NFIB: variants seen among roughly 807,000 people sequenced by gnomAD.
NFIB encodes nuclear factor I B.
NFIB carries 11 observed loss-of-function variants against 61.5 expected under a neutral mutation model. The ratio of observed to expected loss-of-function variants is 0.18; its 90% confidence interval spans 0.11 to 0.30. The LOEUF is 0.30. Ranked by LOEUF, NFIB falls within the 10% of genes least tolerant of loss-of-function variation. The pLI, the probability that NFIB is intolerant of heterozygous loss-of-function variation, is 1.00. For missense variants in NFIB, 471 were observed against 608.9 expected (o/e 0.77, Z 2.38); for synonymous variants, 260 against 216.5 (o/e 1.20, Z -1.76).
At chr9:14,448,656 A>G in the NFIB span, among the ~76,000 whole-genome samples, 4 of 152,226 alleles carry the variant, frequency 2.6e-5, no homozygotes. Flanking sequence ...TGTACTGAAT[A>G]AGACAAGGGT....
chr9:14,480,966 C>G, the NFIB span, among the ~76,000 whole-genome samples: 1 of 151,540 alleles, frequency 6.6e-6, no homozygotes, highest in Non-Finnish European at 1.5e-5. Context: ...AAAACAGTAG[C>G]AGACACAGTT....
chr9:14,360,711 A>AT (rs1265618012), intron 1 of NFIB, among the ~76,000 whole-genome samples: 1 of 151,928 alleles, frequency 6.6e-6, no homozygotes, highest in East Asian at 2.0e-4. Flanking sequence ...CGCCCGGCTA[A>AT]TTTTTTGTAT....
chr9:14,113,607 T>C (rs1306705887), intron 9 of NFIB, among the ~76,000 whole-genome samples: 1 of 152,178 alleles, frequency 6.6e-6, no homozygotes, highest in Non-Finnish European at 1.5e-5. Context: ...AATCTTACTA[T>C]CATGAAGGAG....
At chr9:14,100,108 C>A (rs1304695309) in intron 10 of NFIB, among the ~76,000 whole-genome samples, 1 of 152,000 alleles carries the variant, frequency 6.6e-6, no homozygotes, top group Non-Finnish European at 1.5e-5. Flanking sequence ...AACCAAGATA[C>A]CTTTTAAAGA....
chr9:14,408,587 A>G, the NFIB span, among the ~76,000 whole-genome samples: 2 of 152,200 alleles, frequency 1.3e-5, no homozygotes, highest in Admixed American at 1.3e-4. Context: ...ATCTGTTTAT[A>G]TCACTTGATC....
chr9:14,342,302 GT>G (rs1156384331), intron 1 of NFIB, among the ~76,000 whole-genome samples: 4 of 152,178 alleles, frequency 2.6e-5, no homozygotes, highest in African/African-American at 7.2e-5. Context: ...GGTCTGCAGT[GT>G]TTCATTACTG....
intron 10 of NFIB, among the ~76,000 whole-genome samples, chr9:14,095,133 C>T (rs1485441431): frequency 1.3e-5 from 2 of 152,024 alleles, no homozygotes; most frequent in African/African-American, 4.8e-5. Context: ...ATATAGCAAC[C>T]TACACTTAAA....
chr9:14,315,495 C>T (rs2060500865), upstream of NFIB, among the ~76,000 whole-genome samples: 1 of 146,556 alleles, frequency 6.8e-6, no homozygotes, highest in African/African-American at 2.5e-5. Context: ...CGTCTCCCTA[C>T]CCGCCCGGGT....
intron 3 of NFIB, among the ~76,000 whole-genome samples, chr9:14,164,751 G>A (rs958444678): frequency 6.6e-6 from 1 of 152,138 alleles, no homozygotes; most frequent in Non-Finnish European, 1.5e-5. Context: ...GATTATCCTA[G>A]TGTAGTGGTT....
chr9:14,343,224 T>G (rs2060973644), intron 1 of NFIB, among the ~76,000 whole-genome samples: 1 of 152,188 alleles, frequency 6.6e-6, no homozygotes, highest in African/African-American at 2.4e-5. Flanking sequence ...CTTGGAGAAG[T>G]TTCGTTTCAA....
At chr9:14,140,292 G>A (rs948103565) in intron 6 of NFIB, among the ~76,000 whole-genome samples, 1 of 152,130 alleles carries the variant, frequency 6.6e-6, no homozygotes, top group Non-Finnish European at 1.5e-5. Context: ...ATCTATGACA[G>A]CTGCTTATTC....
At chr9:14,100,221 G>C (rs2035534213) in intron 10 of NFIB, among the ~76,000 whole-genome samples, 1 of 152,124 alleles carries the variant, frequency 6.6e-6, no homozygotes, top group African/African-American at 2.4e-5. Context: ...AATAAATTCT[G>C]TATTTTTTTC....
At chr9:14,512,409 A>G in the NFIB span, among the ~76,000 whole-genome samples, 1,461 of 152,078 alleles carry the variant, frequency 9.6e-3, 29 homozygotes, top group African/African-American at 0.034. Flanking sequence ...CTAAGTAATG[A>G]TTTTTGCCTG....
At chr9:14,344,133 A>G in intron 1 of NFIB, among the ~76,000 whole-genome samples, 1 of 151,460 alleles carries the variant, frequency 6.6e-6, no homozygotes, top group Non-Finnish European at 1.5e-5. Context: ...AGAGAGAGAG[A>G]GAAACACTAA....
chr9:14,305,613 T>A (rs1221639170), intron 2 of NFIB: 1 of 158,066 alleles, frequency 6.3e-6, no homozygotes, highest in Non-Finnish European at 1.4e-5. Context: ...TTTCTAAAAG[T>A]GCAATGTCCA....
chr9:14,094,759 ATATTTGTTTCT>A (rs1436714627), intron 10 of NFIB, among the ~76,000 whole-genome samples: 1 of 152,118 alleles, frequency 6.6e-6, no homozygotes, highest in Non-Finnish European at 1.5e-5. Context: ...AAAGAGAAAC[ATATTTGTTTCT>A]TAACTAAGTA....
chr9:14,358,915 A>G (rs2061207316), intron 1 of NFIB, among the ~76,000 whole-genome samples: 1 of 152,232 alleles, frequency 6.6e-6, no homozygotes, highest in African/African-American at 2.4e-5. Context: ...CAACCTTATC[A>G]TCACTTCCTA....
chr9:14,482,110 C>T, the NFIB span, among the ~76,000 whole-genome samples: 1 of 134,426 alleles, frequency 7.4e-6, no homozygotes, highest in South Asian at 2.5e-4. Flanking sequence ...TCCTGAAATG[C>T]CATGTTCTAG....
upstream of NFIB, among the ~76,000 whole-genome samples, chr9:14,314,774 G>A (rs2060462321): frequency 7.1e-6 from 1 of 140,028 alleles, no homozygotes; most frequent in Non-Finnish European, 1.5e-5. Context: ...TATCCTACCG[G>A]TGCTACAGAA....
Sources: gnomAD v4.1 joint callset for allele counts (sites outside exome capture counted in the v4.1 genomes callset) on GRCh38, gnomAD v4.1.1 for gene constraint, MANE v1.5 for transcripts, NCBI Gene and HGNC (gene_info 2026-07-23, HGNC 2026-07-21) for gene names.